Variants in C1orf87 observed in about 807,000 individuals in gnomAD.
C1orf87 encodes the protein uncharacterized protein C1orf87.
A neutral mutation model predicts 60.5 loss-of-function variants in C1orf87; 58 were observed. The ratio of observed to expected loss-of-function variants is 0.96; its 90% confidence interval spans 0.78 to 1.19. The LOEUF (loss-of-function observed/expected upper bound fraction) is 1.19. C1orf87 is among the 50% of genes most tolerant of loss of function. The pLI, the probability that C1orf87 is intolerant of heterozygous loss-of-function variation, is 0.00. For synonymous variants in C1orf87, 236 were observed against 227.4 expected (o/e 1.04, Z -0.34); for missense variants, 673 against 638.6 (o/e 1.05, Z -0.58).
intron 2 of C1orf87, among the ~76,000 whole-genome samples, chr1:60,071,309 C>T (rs1645582790): frequency 6.6e-6 from 1 of 152,164 alleles, no homozygotes; most frequent in Non-Finnish European, 1.5e-5. Flanking sequence ...TTAATCCTCA[C>T]AATAACCCTA....
At position 59,990,411 on chromosome 1, in the gene C1orf87, T is replaced by G. The variant is rs1013707257; in HGVS notation, c.*262A>C. On this transcript the variant is annotated 3_prime_UTR_variant, in exon 12 of 12. Coordinates refer to ENST00000371201, the MANE Select transcript of C1orf87 (RefSeq NM_152377.3). ...CAAACATGTAATATTAATAATAAGT[T>G]TTATTAAAACAGAAGGAGATTCTAA... 4.0e-6 allele frequency: 1 copy of G among 248,702 alleles called. No individual in the cohort carries two copies. The highest frequency in any genetic ancestry group is 2.2e-5 in the African/African-American group (1 of 44,976). The allele number at this position is 248,702 out of a possible 1,614,324, so 15.4% of individuals were successfully genotyped here.
Position 60,001,168 on chromosome 1 carries a change from T to TA in C1orf87, c.1193-13dup, listed in dbSNP as rs35944236. 38,467 of 1,239,776 alleles carry TA rather than the reference T, an allele frequency of 0.031. 2 individuals carry two copies. Among genetic ancestry groups the TA allele is most frequent in the South Asian group, 0.037 (2,320 of 63,250 alleles). 76.8% of individuals were successfully genotyped at this position (1,239,776 alleles called of 1,614,324 possible). A position where few individuals can be genotyped will look rare whatever the true frequency, so the allele number is the denominator to read the frequency against. The stretch of plus-strand genomic sequence containing the variant: ...CTTTTCATTCTTCCCTGAACAAGAA[T>TA]AAAAAAAAAAAAAGGAAGGGTTTAG... On this transcript the variant is annotated splice_polypyrimidine_tract_variant and intron_variant, in intron 9 of 11. Transcript: ENST00000371201.
chr1:60,007,052 C>T (rs576349727), intron 9 of C1orf87, among the ~76,000 whole-genome samples: 5 of 152,112 alleles, frequency 3.3e-5, no homozygotes, highest in Admixed American at 1.3e-4. Context: ...GCTGGGACTA[C>T]AGGCATGCAC....
chr1:60,028,461 A>G (rs1182482857), intron 7 of C1orf87, among the ~76,000 whole-genome samples: 1 of 152,232 alleles, frequency 6.6e-6, no homozygotes, highest in Non-Finnish European at 1.5e-5. Context: ...ATTAAGATCC[A>G]TTAAAACATC....
At chr1:60,055,472 C>G in intron 2 of C1orf87, 34 bp from the exon 3 acceptor site, 1 of 1,574,696 alleles carries the variant, frequency 6.4e-7, no homozygotes, top group Non-Finnish European at 8.7e-7. Flanking sequence ...TTGTTACTTA[C>G]AGGCAGACTC....
chr1:59,996,780 C>G (rs1322296464), intron 11 of C1orf87, among the ~76,000 whole-genome samples: 2 of 152,162 alleles, frequency 1.3e-5, no homozygotes, highest in Non-Finnish European at 2.9e-5. Context: ...CATACTCTAA[C>G]AACATTTATC....
rs1383874915 is a variant in C1orf87, at chr1:60,055,333, G to A, written c.213C>T (p.Phe71=). The change falls in exon 3 of 12, where the codon TTC becomes TTT. Residue 71 remains phenylalanine, a synonymous_variant. Transcript: ENST00000371201. The part of the protein sequence containing the change: ...MSRDTPVPIN[F]TDQQTTDNPD... ...GATTATCAGTGGTTTGCTGATCAGTGAAGTTAATGGGAACTGGGGTGTCTC... is the reference window on the plus strand; with the variant it reads ...GATTATCAGTGGTTTGCTGATCAGTAAAGTTAATGGGAACTGGGGTGTCTC... 6.2e-7 allele frequency: 1 copy of A among 1,614,072 alleles called. No homozygotes were observed. The highest frequency in any genetic ancestry group is 8.5e-7 in the Non-Finnish European group (1 of 1,179,962).
chr1:60,056,034 A>G (rs191282662), intron 2 of C1orf87, among the ~76,000 whole-genome samples: 248 of 152,256 alleles, frequency 1.6e-3, no homozygotes, highest in African/African-American at 5.7e-3. Flanking sequence ...TCATGAGGTC[A>G]GGAGTTTGAG....
At chr1:60,044,605 G>A (rs1378397098) in intron 3 of C1orf87, among the ~76,000 whole-genome samples, 1 of 152,152 alleles carries the variant, frequency 6.6e-6, no homozygotes, top group Non-Finnish European at 1.5e-5. Flanking sequence ...ATGGGGAGGA[G>A]CTCTTGGTGC....
At chr1:60,055,522 G>T in intron 2 of C1orf87, 84 bp from the exon 3 acceptor site, 1 of 1,237,442 alleles carries the variant, frequency 8.1e-7, no homozygotes. Flanking sequence ...AGGTGTGTTT[G>T]GTGTTGTGAA....
chr1:60,028,771 A>G (rs1209229984), intron 7 of C1orf87, among the ~76,000 whole-genome samples: 3 of 152,008 alleles, frequency 2.0e-5, no homozygotes, highest in Non-Finnish European at 4.4e-5. Context: ...TCCTATTTAT[A>G]GATGATCTTG....
At chr1:59,991,081 T>C (rs963260609) in intron 11 of C1orf87, among the ~76,000 whole-genome samples, 2 of 152,200 alleles carry the variant, frequency 1.3e-5, no homozygotes, top group African/African-American at 4.8e-5. Flanking sequence ...ATAAGATCCA[T>C]AGATAAATTC....
At chr1:60,050,087 T>C (rs1645403030) in intron 3 of C1orf87, among the ~76,000 whole-genome samples, 1 of 152,114 alleles carries the variant, frequency 6.6e-6, no homozygotes, top group South Asian at 2.1e-4. Flanking sequence ...TTCTTGACTA[T>C]TCATGCTTGT....
intron 11 of C1orf87, among the ~76,000 whole-genome samples, chr1:59,993,245 T>C (rs1408265352): frequency 6.6e-6 from 1 of 150,890 alleles, no homozygotes; most frequent in Non-Finnish European, 1.5e-5. Context: ...AATACATAAA[T>C]ACATAAATAC....
rs1241215091 is a variant in C1orf87, at chr1:60,040,024, G to T, written c.640C>A (p.Leu214Ile). 9 of 1,614,174 alleles carry T rather than the reference G, an allele frequency of 5.6e-6. No individual in the cohort carries two copies. The highest frequency in any genetic ancestry group is 7.6e-6 in the Non-Finnish European group (9 of 1,180,016). ...AAGAGGCGGCTCAGCTGAGATTGGA[G>T]AAGAAATCCTGAAGAGATTGGGTCC... ...ILDPISSGFLLQSQLSRLFLK... is the reference protein window; with the variant it reads ...ILDPISSGFLIQSQLSRLFLK... The change falls in exon 5 of 12, where the codon CTC becomes ATC. Residue 214 changes from leucine (L) to isoleucine (I), a missense_variant. Coordinates refer to ENST00000371201, the MANE Select transcript of C1orf87 (RefSeq NM_152377.3).
At chr1:60,006,919 C>T (rs538761899) in intron 9 of C1orf87, among the ~76,000 whole-genome samples, 5 of 149,976 alleles carry the variant, frequency 3.3e-5, no homozygotes, top group Admixed American at 1.3e-4. Flanking sequence ...CTCTTGCATA[C>T]TTTTTTTTTT....
intron 8 of C1orf87, among the ~76,000 whole-genome samples, chr1:60,019,917 A>C (rs1049996718): frequency 3.9e-5 from 6 of 152,200 alleles, no homozygotes; most frequent in Non-Finnish European, 2.9e-5. Flanking sequence ...ATGGTCTAAA[A>C]TTGCAATTTA....
At chr1:60,067,273 TC>T (rs1383391973) in intron 2 of C1orf87, among the ~76,000 whole-genome samples, 2 of 152,216 alleles carry the variant, frequency 1.3e-5, no homozygotes, top group African/African-American at 2.4e-5. Flanking sequence ...TAATTTACAC[TC>T]CCACCAACAG....
At position 60,049,421 on chromosome 1, in the gene C1orf87, T is replaced by C. The variant is rs1278169062; in HGVS notation, c.342+5783A>G. ...TGTTTTTCTGTGAACTGCCTGTTCA[T>C]GTATTTTGCCCATTTTTCTAATAGT... On this transcript the variant is annotated intron_variant, in intron 3 of 11. Transcript: ENST00000371201. Among the ~76,000 whole-genome samples the C allele has an allele frequency of 4.6e-5, 7 of 152,134 alleles. No homozygotes were observed. The South Asian group carries it at 1.5e-3, about 32-fold the overall frequency.
Sources: gnomAD v4.1 joint callset for allele counts (sites outside exome capture counted in the v4.1 genomes callset) on GRCh38, gnomAD v4.1.1 for gene constraint, MANE v1.5 for transcripts, NCBI Gene and HGNC (gene_info 2026-07-23, HGNC 2026-07-21) for gene names.